BCO2: variants seen among roughly 807,000 people sequenced by gnomAD.
The protein encoded by BCO2 is beta-carotene oxygenase 2.
In BCO2, 56 loss-of-function variants were observed where a neutral mutation model predicts 65.8. That is an observed-to-expected ratio of 0.85 (90% CI 0.69 to 1.06). The LOEUF (loss-of-function observed/expected upper bound fraction) is 1.06. BCO2 is among the 50% of genes least tolerant of loss of function. The pLI, the probability that BCO2 is intolerant of heterozygous loss-of-function variation, is 0.00. For synonymous variants in BCO2, 233 were observed against 242.3 expected (o/e 0.96, Z 0.36); for missense variants, 675 against 698.5 (o/e 0.97, Z 0.38).
chr11:112,187,805 C>T (rs540936223), intron 2 of BCO2, among the ~76,000 whole-genome samples: 84 of 151,686 alleles, frequency 5.5e-4, no homozygotes, highest in African/African-American at 2.0e-3. Context: ...CAGGATTTAG[C>T]GTCATCACTG....
At position 112,193,667 on chromosome 11, in the gene BCO2, T is replaced by C; in HGVS notation, c.487T>C (p.Ser163Pro). The C allele has an allele frequency of 6.2e-7, 1 of 1,614,088 alleles. No individual in the cohort carries two copies. The highest frequency in any genetic ancestry group is 8.5e-7 in the Non-Finnish European group (1 of 1,179,970). The change falls in exon 3 of 12, where the codon TCC (serine) becomes CCC (proline). Residue 163 changes from serine (S) to proline (P), a missense_variant. Transcript: ENST00000357685. ...CAAGAATGTTTTTGAACGTTTCATGTCCAGGTTTGAGCTGCCTGGTAAAGC... is the reference window on the plus strand; with the variant it reads ...CAAGAATGTTTTTGAACGTTTCATGCCCAGGTTTGAGCTGCCTGGTAAAGC... ...PCKNVFERFM[S>P]RFELPGKAAA...
At chr11:112,181,631 A>G (rs544791592) in intron 2 of BCO2, 1 of 798,304 alleles carries the variant, frequency 1.3e-6, no homozygotes, top group East Asian at 2.4e-5. Context: ...AACACCTAAA[A>G]GTGGCAATAA....
chr11:112,182,643 T>C (rs369487648), intron 2 of BCO2, among the ~76,000 whole-genome samples: 3 of 150,740 alleles, frequency 2.0e-5, no homozygotes, highest in East Asian at 3.9e-4. Context: ...TAGGTGGGAA[T>C]TGAACAATGA....
At chr11:112,192,816 T>A (rs1384312344) in intron 2 of BCO2, among the ~76,000 whole-genome samples, 1 of 149,300 alleles carries the variant, frequency 6.7e-6, no homozygotes, top group Non-Finnish European at 1.5e-5. Flanking sequence ...TCATTCTGAT[T>A]TGTTAAACAT....
chr11:112,205,235 T>A (rs1250402463), intron 8 of BCO2, among the ~76,000 whole-genome samples: 1 of 152,178 alleles, frequency 6.6e-6, no homozygotes, highest in Admixed American at 6.5e-5. Flanking sequence ...CCTATACTGT[T>A]TTTCATAATG....
chr11:112,214,676 A>G, intron 9 of BCO2, 86 bp from the exon 10 acceptor site: 2 of 1,093,372 alleles, frequency 1.8e-6, no homozygotes, highest in East Asian at 2.5e-5. Flanking sequence ...ACAAACCTTT[A>G]TAGGGTATGA....
chr11:112,183,816 T>A (rs374165570), intron 2 of BCO2, among the ~76,000 whole-genome samples: 2 of 152,240 alleles, frequency 1.3e-5, no homozygotes, highest in South Asian at 4.1e-4. Flanking sequence ...AATATCCAGT[T>A]CTTACTGATT....
At chr11:112,195,179 A>G (rs1356670768) in intron 5 of BCO2, among the ~76,000 whole-genome samples, 1 of 117,882 alleles carries the variant, frequency 8.5e-6, no homozygotes, top group Non-Finnish European at 1.7e-5. Context: ...CTCTGTTGCC[A>G]GGCAGGAGTG....
chr11:112,198,407 A>G (rs560528219), intron 5 of BCO2, among the ~76,000 whole-genome samples: 71 of 152,290 alleles, frequency 4.7e-4, no homozygotes, highest in African/African-American at 1.6e-3. Flanking sequence ...TGCCTAGAAT[A>G]TAGTACTAAG....
chr11:112,213,190 C>A (rs1566799822), intron 8 of BCO2, among the ~76,000 whole-genome samples: 1 of 109,786 alleles, frequency 9.1e-6, no homozygotes, highest in Non-Finnish European at 1.6e-5. Flanking sequence ...GTTGCCCAGG[C>A]TGGAGTGCAA....
At chr11:112,208,791 G>T in intron 8 of BCO2, 1 of 186,102 alleles carries the variant, frequency 5.4e-6, no homozygotes. Context: ...TGGATTTGTG[G>T]ATGTACCAGA....
intron 2 of BCO2, among the ~76,000 whole-genome samples, chr11:112,186,178 T>G (rs949825173): frequency 1.3e-5 from 2 of 152,212 alleles, no homozygotes; most frequent in African/African-American, 4.8e-5. Flanking sequence ...AACAGCCTCT[T>G]ACAGAGGGTA....
chr11:112,210,313 A>T (rs1285748499), intron 8 of BCO2, among the ~76,000 whole-genome samples: 2 of 152,052 alleles, frequency 1.3e-5, no homozygotes, highest in Non-Finnish European at 2.9e-5. Flanking sequence ...TGTGCTGGTT[A>T]TTTCCTTTCA....
At chr11:112,176,550 A>T (rs1271094843) in intron 1 of BCO2, 2 of 134,328 alleles carry the variant, frequency 1.5e-5, no homozygotes, top group African/African-American at 5.8e-5. Context: ...CTATTTTGAC[A>T]TGTTGAAAGT....
chr11:112,189,682 G>A (rs1024894999), intron 2 of BCO2, among the ~76,000 whole-genome samples: 4 of 152,222 alleles, frequency 2.6e-5, no homozygotes, highest in South Asian at 4.1e-4. Context: ...GATTACAGGC[G>A]TAAGCCACAG....
intron 5 of BCO2, among the ~76,000 whole-genome samples, chr11:112,195,716 T>C (rs1323094394): frequency 6.6e-6 from 1 of 152,208 alleles, no homozygotes; most frequent in Non-Finnish European, 1.5e-5. Flanking sequence ...AGTGCTGGGA[T>C]TTCAGGCGCG....
chr11:112,202,015 C>T lies in BCO2; in HGVS notation c.1027-8C>T, dbSNP rs1313655260. Reference sequence around the variant, plus strand: ...AATTTTTTTCATTGTTTGTGTTTTCCCCTGCAGCTCCTTCCAGGGAGATAC... The same window carrying T: ...AATTTTTTTCATTGTTTGTGTTTTCTCCTGCAGCTCCTTCCAGGGAGATAC... On this transcript the variant is annotated splice_region_variant and splice_polypyrimidine_tract_variant and intron_variant, in intron 7 of 11. Coordinates refer to ENST00000357685, the MANE Select transcript of BCO2 (RefSeq NM_031938.7). 3 of 1,545,000 alleles carry T rather than the reference C, an allele frequency of 1.9e-6. No homozygotes were observed. The highest frequency in any genetic ancestry group is 4.7e-5 in the East Asian group (2 of 42,646).
chr11:112,211,642 A>T (rs906134781), intron 8 of BCO2, among the ~76,000 whole-genome samples: 6 of 152,170 alleles, frequency 3.9e-5, no homozygotes, highest in Admixed American at 2.6e-4. Flanking sequence ...TCTGGGTTTT[A>T]AAAAAATAAT....
chr11:112,181,120 G>A, intron 2 of BCO2: 1 of 1,458,764 alleles, frequency 6.9e-7, no homozygotes, highest in African/African-American at 1.4e-5. Flanking sequence ...ACAGTATGCT[G>A]GCCCACATGT....
Sources: allele counts gnomAD v4.1 joint callset (sites outside exome capture counted in the v4.1 genomes callset), GRCh38; gene constraint gnomAD v4.1.1; transcripts MANE v1.5; gene names NCBI Gene and HGNC (gene_info 2026-07-23, HGNC 2026-07-21).